The following IGF2R variants were observed in gnomAD, a reference collection of about 807,000 sequenced individuals.
IGF2R encodes the protein insulin like growth factor 2 receptor.
In IGF2R, 91 loss-of-function variants were observed where a neutral mutation model predicts 270.6. The ratio of observed to expected loss-of-function variants is 0.34; its 90% CI spans 0.28 to 0.40. IGF2R has a LOEUF of 0.40. Ranked by LOEUF, IGF2R falls within the 10% of genes least tolerant of loss-of-function variation. IGF2R has a pLI of 1.00. For missense variants in IGF2R, 2,805 were observed against 3,188.3 expected (o/e 0.88, Z 2.90); for synonymous variants, 1,316 against 1,258.9 (o/e 1.05, Z -0.96).
At chr6:160,044,468 A>G (rs1318304911) in intron 12 of IGF2R, 46 bp from the exon 13 acceptor site, 2 of 1,435,408 alleles carry the variant, frequency 1.4e-6, no homozygotes, top group African/African-American at 1.4e-5. Context: ...CTGCGTGATG[A>G]TCATTTTTAA....
chr6:160,019,702 T>A (rs9347382), intron 4 of IGF2R, among the ~76,000 whole-genome samples: 14,833 of 151,714 alleles, frequency 0.098, 911 homozygotes, highest in South Asian at 0.23. Flanking sequence ...TTAAACAATT[T>A]AAAAAAAAGT....
At chr6:160,007,394 A>G (rs1784260715) in intron 2 of IGF2R, 5 of 152,178 alleles carry the variant, frequency 3.3e-5, no homozygotes, top group Admixed American at 2.0e-4. Flanking sequence ...TTGGTATTTA[A>G]TTTTTGCCAG....
intron 4 of IGF2R, among the ~76,000 whole-genome samples, chr6:160,023,485 A>C (rs533857870): frequency 6.6e-6 from 1 of 152,320 alleles, no homozygotes; most frequent in South Asian, 2.1e-4. Context: ...AACAGCAATA[A>C]ATAACACTTA....
intron 20 of IGF2R, 90 bp from the exon 21 acceptor site, chr6:160,057,933 C>T (rs1053606316): frequency 2.6e-6 from 2 of 756,804 alleles, no homozygotes; most frequent in Non-Finnish European, 2.4e-6. Context: ...CAGGTGCATA[C>T]TTGCAGGTTT....
chr6:160,083,994 G>T lies in IGF2R; in HGVS notation c.5878G>T (p.Asp1960Tyr), dbSNP rs766736217. 1 of 1,614,146 alleles carries T rather than the reference G, an allele frequency of 6.2e-7. No homozygotes were observed. The highest frequency in any genetic ancestry group is 1.1e-5 in the South Asian group (1 of 91,082). Reference sequence around the variant, plus strand: ...CAGCATCATATTTAAGTGTGATGAAGATGAGGACATTGGGAGGCCACAAGT... The same window carrying T: ...CAGCATCATATTTAAGTGTGATGAATATGAGGACATTGGGAGGCCACAAGT... Reference protein sequence around the residue: ...TSSIIFKCDEDEDIGRPQVFS... With the variant: ...TSSIIFKCDEYEDIGRPQVFS... Residue 1960 changes from aspartate to tyrosine, a missense_variant, in exon 40 of 48, where the codon GAT becomes TAT. Asp to Tyr is a radical substitution (Grantham distance 160). Transcript: ENST00000356956.
At chr6:160,060,064 TGTC>T (rs1778400909) in intron 22 of IGF2R, among the ~76,000 whole-genome samples, 1 of 152,260 alleles carries the variant, frequency 6.6e-6, no homozygotes, top group South Asian at 2.1e-4. Flanking sequence ...TGTGTAAAGC[TGTC>T]ATCACATAGG....
intron 29 of IGF2R, 112 bp downstream of exon 29, chr6:160,065,013 G>C: frequency 1.4e-6 from 1 of 719,516 alleles, no homozygotes; most frequent in Non-Finnish European, 2.5e-6. Context: ...AATTTACCTA[G>C]GACTCGGTTT....
chr6:160,034,319 T>C lies in IGF2R; in HGVS notation c.1212-100T>C, dbSNP rs1777765202. On this transcript the variant is annotated intron_variant, in intron 9 of 47. Coordinates refer to ENST00000356956, the MANE Select transcript of IGF2R (RefSeq NM_000876.4). ...GCTGTTTTAGATCCGTAGTGATTTG[T>C]TGATGCTACGCAAAAGGCTTAATGT... 7.1e-6 allele frequency: 5 copies of C among 700,994 alleles called. No homozygotes were observed. The East Asian group carries it at 1.3e-4, about 18-fold the overall frequency. 43.4% of individuals were successfully genotyped at this position (700,994 alleles called of 1,614,324 possible). A position where few individuals can be genotyped will look rare whatever the true frequency, so the allele number is the denominator to read the frequency against.
chr6:160,000,728 G>GTTTTTGTTTTTTTTTTTTTTTTTT (rs1784114521), intron 2 of IGF2R, among the ~76,000 whole-genome samples: 1 of 69,948 alleles, frequency 1.4e-5, no homozygotes, highest in African/African-American at 6.0e-5. Flanking sequence ...GTGTGAGGTT[G>GTTTTTGTTTTTTTTTTTTTTTTTT]TTTTTTTTTT....
chr6:160,054,317 T>A lies in IGF2R; in HGVS notation c.2695-2107T>A, dbSNP rs117602027. On this transcript the variant is annotated intron_variant, in intron 19 of 47. Coordinates refer to ENST00000356956, the MANE Select transcript of IGF2R (RefSeq NM_000876.4). ...ATGTGTCCCCATGTTCATTTTGGGT[T>A]GAAGACATAACATTTAAATATATTA... 7.9e-4 allele frequency among the ~76,000 whole-genome samples: 120 copies of A among 152,332 alleles called. 1 individual carries two copies. The East Asian group carries it at 0.021, about 27-fold the overall frequency.
intron 1 of IGF2R, among the ~76,000 whole-genome samples, chr6:159,986,011 T>C (rs1053635055): frequency 1.3e-5 from 2 of 152,156 alleles, no homozygotes; most frequent in African/African-American, 4.8e-5. Context: ...GGATGGTCAC[T>C]GAATTTTGTA....
chr6:160,075,608 A>T (rs1019707264), intron 35 of IGF2R, among the ~76,000 whole-genome samples: 1 of 152,330 alleles, frequency 6.6e-6, no homozygotes, highest in East Asian at 1.9e-4. Context: ...GATACCTAGA[A>T]ATAGAACCAA....
At position 160,063,534 on chromosome 6, in the gene IGF2R, A is replaced by G. The variant is rs779935538; in HGVS notation, c.3790A>G (p.Lys1264Glu). Residue 1264 changes from lysine to glutamate, a missense_variant, in exon 27 of 48, where the codon AAG becomes GAG. Lys to Glu is a moderately conservative substitution (Grantham distance 56, BLOSUM62 1). Around this residue, in one of 2 missense-constraint regions of IGF2R, gnomAD observed 1,851 missense variants for 2,207.2 expected, o/e 0.84. Transcript: ENST00000356956. ...EYTYYFRVCG[K>E]LSSDVCPTSD... is the part of the protein sequence containing the mutation. ...CACTTATTACTTCCGGGTCTGTGGG[A>G]AGCTTTCCTCAGACGTCTGCCCCAC... 6.2e-7 allele frequency: 1 copy of G among 1,614,216 alleles called. No individual in the cohort carries two copies. Among genetic ancestry groups the G allele is most frequent in the South Asian group, 1.1e-5 (1 of 91,082 alleles).
At chr6:160,103,923 C>G in intron 47 of IGF2R, 108 bp downstream of exon 47, 1 of 706,912 alleles carries the variant, frequency 1.4e-6, no homozygotes, top group Non-Finnish European at 2.5e-6. Context: ...CACAGGCTGA[C>G]TGGAATCCAG....
intron 1 of IGF2R, among the ~76,000 whole-genome samples, chr6:159,986,584 A>C (rs1265209427): frequency 6.6e-6 from 1 of 152,092 alleles, no homozygotes; most frequent in East Asian, 1.9e-4. Flanking sequence ...TCTTTCTTTC[A>C]GAAAATGTAT....
chr6:160,076,582 C>T (rs1048522602), intron 36 of IGF2R, among the ~76,000 whole-genome samples: 1 of 152,170 alleles, frequency 6.6e-6, no homozygotes, highest in Non-Finnish European at 1.5e-5. Context: ...TAGATTATGG[C>T]CCCTATTCCA....
At chr6:160,051,355 C>T (rs1778191396) in intron 19 of IGF2R, among the ~76,000 whole-genome samples, 1 of 152,194 alleles carries the variant, frequency 6.6e-6, no homozygotes, top group Admixed American at 6.5e-5. Flanking sequence ...CCTCAGTCTT[C>T]TTTTGTGGGA....
chr6:159,994,131 C>G (rs1398931462), intron 2 of IGF2R, among the ~76,000 whole-genome samples: 1 of 151,088 alleles, frequency 6.6e-6, no homozygotes, highest in African/African-American at 2.4e-5. Context: ...TTCAATCTCA[C>G]TCCTTTTTAC....
intron 18 of IGF2R, among the ~76,000 whole-genome samples, chr6:160,048,879 A>G (rs1041353522): frequency 1.3e-5 from 2 of 152,204 alleles, no homozygotes; most frequent in Non-Finnish European, 2.9e-5. Context: ...TTTGCTTCCA[A>G]AAGCTCTTGT....
Sources: allele counts gnomAD v4.1 joint callset (sites outside exome capture counted in the v4.1 genomes callset), GRCh38; gene constraint gnomAD v4.1.1; regional missense constraint gnomAD v4.1.1; transcripts MANE v1.5; gene names NCBI Gene and HGNC (gene_info 2026-07-23, HGNC 2026-07-21).